The following PCDHGA4 variants were observed in gnomAD, a reference collection of about 807,000 sequenced individuals.
PCDHGA4 encodes protocadherin gamma-A4.
PCDHGA4 carries 38 observed loss-of-function variants against 54.6 expected under a neutral mutation model. The observed-to-expected ratio is 0.70, with a 90% CI of 0.54 to 0.91. The LOEUF (loss-of-function observed/expected upper bound fraction) is 0.91, where lower values mean the gene tolerates loss of function less well. Among genes scored for constraint, PCDHGA4 ranks in the 40% least tolerant of loss-of-function variants. PCDHGA4 has a pLI of 0.00. For synonymous variants in PCDHGA4, 511 were observed against 512.9 expected, an observed-to-expected ratio of 1.00 and a Z score of 0.05; for missense variants, 1,298 against 1,220.9, an observed-to-expected ratio of 1.06 and a Z score of -0.94.
chr5:141,368,590 A>G (rs914366988), intron 1 of PCDHGA4, among the ~76,000 whole-genome samples: 8 of 152,142 alleles, frequency 5.3e-5, no homozygotes, highest in African/African-American at 9.7e-5. Context: ...GGTGTTTGGG[A>G]AAAAAGTAAA....
At chr5:141,360,818 T>C (rs375213182) in intron 1 of PCDHGA4, 1 of 1,613,810 alleles carries the variant, frequency 6.2e-7, no homozygotes, top group African/African-American at 1.3e-5. Flanking sequence ...ACGACCCAAA[T>C]CCGAATCAAA....
intron 3 of PCDHGA4, among the ~76,000 whole-genome samples, chr5:141,506,300 T>G (rs2099852124): frequency 6.6e-6 from 1 of 151,976 alleles, no homozygotes; most frequent in East Asian, 1.9e-4. Flanking sequence ...AATACAAAAA[T>G]TAGCTGGGCA....
chr5:141,355,901 A>C lies in PCDHGA4; in HGVS notation c.794A>C (p.Asp265Ala), dbSNP rs1188720944. The C allele has an allele frequency of 3.7e-6, 6 of 1,613,670 alleles. No homozygotes were observed. Among genetic ancestry groups the C allele is most frequent in the Non-Finnish European group, 4.2e-6 (5 of 1,179,818 alleles). ...GTARILIILV[D>A]TNDNAPVFTQ... ...GCCAGGATTCTCATAATACTTGTGG[A>C]TACCAACGATAATGCTCCCGTGTTC... The change falls in exon 1 of 4, where the codon GAT (aspartate) becomes GCT (alanine). Residue 265 changes from aspartate to alanine, a missense_variant. Asp to Ala is a moderately radical substitution (Grantham distance 126). Coordinates refer to ENST00000571252, the MANE Select transcript of PCDHGA4 (RefSeq NM_018917.4).
chr5:141,371,850 C>T (rs1366445794), intron 1 of PCDHGA4: 5 of 1,613,540 alleles, frequency 3.1e-6, no homozygotes, highest in Admixed American at 1.7e-5. Context: ...ACCTAATGGC[C>T]TTGTCTCCTA....
intron 1 of PCDHGA4, chr5:141,388,337 A>C: frequency 6.2e-7 from 1 of 1,613,990 alleles, no homozygotes; most frequent in Non-Finnish European, 8.5e-7. Context: ...CTGGCACACG[A>C]TTTATATTAG....
intron 1 of PCDHGA4, chr5:141,419,448 TC>T: frequency 6.2e-7 from 1 of 1,612,980 alleles, no homozygotes; most frequent in Non-Finnish European, 8.5e-7. Context: ...ACCTTCGAGC[TC>T]ACGCTGCAGG....
At chr5:141,410,847 G>GTT (rs773839667) in intron 1 of PCDHGA4, 4 of 158,332 alleles carry the variant, frequency 2.5e-5, no homozygotes, top group South Asian at 1.1e-4. Flanking sequence ...TTTTGTCTTT[G>GTT]TCTTTTTTTT....
chr5:141,371,809 C>T lies in PCDHGA4; in HGVS notation c.2514+14188C>T, dbSNP rs1768063576. The T allele has an allele frequency of 2.5e-6, 4 of 1,613,910 alleles. No homozygotes were observed. In the East Asian group the frequency reaches 6.7e-5, roughly 27 times the overall value. ...AACAATCCGCCTGGAGCCTCCATTG[C>T]GCATGTCAGAGCCTCGGATCCCGAC... is the stretch of plus-strand genomic sequence containing the variant. On this transcript the variant is annotated intron_variant, in intron 1 of 3. Transcript: ENST00000571252.
Position 141,426,411 on chromosome 5 carries a change from C to A in PCDHGA4, c.2515-68396C>A, listed in dbSNP as rs1561821998. 10 of 286,096 alleles carry A rather than the reference C, an allele frequency of 3.5e-5. No homozygotes were observed. In the South Asian group the frequency reaches 3.7e-4, roughly 11 times the overall value. The allele number at this position is 286,096 out of a possible 1,614,324, so 17.7% of individuals were successfully genotyped here. On this transcript the variant is annotated intron_variant, in intron 1 of 3. Coordinates refer to ENST00000571252, the MANE Select transcript of PCDHGA4 (RefSeq NM_018917.4). ...GCTACTCTATTCCAGAAGAAACGGT[C>A]CAGGGCTCCGTGGTGGGGAACCTTG... is the stretch of plus-strand genomic sequence containing the variant.
chr5:141,375,647 T>A (rs1265306389), intron 1 of PCDHGA4: 1 of 1,614,156 alleles, frequency 6.2e-7, no homozygotes, highest in Admixed American at 1.7e-5. Flanking sequence ...CTCCTTCGAC[T>A]ATGAGCAGTT....
chr5:141,375,125 G>C (rs376049572), intron 1 of PCDHGA4: 128 of 1,613,766 alleles, frequency 7.9e-5, no homozygotes, highest in African/African-American at 1.3e-5. Context: ...ACCAGAAGTG[G>C]TTGTTACATC....
At chr5:141,380,270 A>G (rs1427444022) in intron 1 of PCDHGA4, among the ~76,000 whole-genome samples, 1 of 152,226 alleles carries the variant, frequency 6.6e-6, no homozygotes, top group Non-Finnish European at 1.5e-5. Flanking sequence ...GTAAAATCTC[A>G]GAGGAGAAAC....
intron 1 of PCDHGA4, chr5:141,384,111 G>A: frequency 6.2e-7 from 1 of 1,604,746 alleles, no homozygotes; most frequent in Non-Finnish European, 8.5e-7. Context: ...ATTATAGATT[G>A]GTCACAACCA....
intron 1 of PCDHGA4, chr5:141,419,781 G>T: frequency 6.2e-7 from 1 of 1,614,032 alleles, no homozygotes; most frequent in Non-Finnish European, 8.5e-7. Context: ...GTCCGCCAGC[G>T]CCTGCTAGTC....
At chr5:141,444,637 G>C (rs2098443357) in intron 1 of PCDHGA4, among the ~76,000 whole-genome samples, 1 of 152,236 alleles carries the variant, frequency 6.6e-6, no homozygotes, top group Non-Finnish European at 1.5e-5. Context: ...CCAGTTCATT[G>C]AGGTAGGGGT....
intron 1 of PCDHGA4, chr5:141,392,918 G>T (rs1177755274): frequency 1.2e-6 from 2 of 1,613,794 alleles, no homozygotes; most frequent in African/African-American, 2.7e-5. Flanking sequence ...GCTACTCTGT[G>T]CCAGAAGAGA....
At chr5:141,403,420 A>G in intron 1 of PCDHGA4, 1 of 1,614,050 alleles carries the variant, frequency 6.2e-7, no homozygotes, top group African/African-American at 1.3e-5. Flanking sequence ...CACTTCCAGA[A>G]GCTATTGATC....
intron 1 of PCDHGA4, chr5:141,408,115 C>A (rs2095044760): frequency 9.6e-6 from 14 of 1,461,430 alleles, no homozygotes; most frequent in South Asian, 2.9e-5. Flanking sequence ...GGGACTCCTC[C>A]TGTCCTGGGC....
intron 1 of PCDHGA4, among the ~76,000 whole-genome samples, chr5:141,368,620 T>A (rs1220390721): frequency 1.3e-5 from 2 of 152,198 alleles, no homozygotes; most frequent in Non-Finnish European, 2.9e-5. Context: ...TTTGGGTACA[T>A]TTCTTCTGAG....
Sources: allele counts gnomAD v4.1 joint callset (sites outside exome capture counted in the v4.1 genomes callset), GRCh38; gene constraint gnomAD v4.1.1; transcripts MANE v1.5; gene names NCBI Gene and HGNC (gene_info 2026-07-23, HGNC 2026-07-21).